Variants in NIBAN3 observed in about 807,000 individuals in gnomAD.
The protein encoded by NIBAN3 is niban apoptosis regulator 3, also known as protein Niban 3.
A neutral mutation model predicts 76.4 loss-of-function variants in NIBAN3; 66 were observed. The ratio of observed to expected loss-of-function variants is 0.86; its 90% CI spans 0.71 to 1.06. The LOEUF (loss-of-function observed/expected upper bound fraction) is 1.06. Among genes scored for constraint, NIBAN3 ranks in the 50% least tolerant of loss-of-function variants. NIBAN3 has a pLI of 0.00. For missense variants in NIBAN3, 808 were observed against 810.7 expected (o/e 1.00, Z 0.04); for synonymous variants, 360 against 355.2 (o/e 1.01, Z -0.15).
intron 5 of NIBAN3, 137 bp from the exon 6 acceptor site, chr19:17,539,013 G>C: frequency 1.5e-6 from 1 of 672,850 alleles, no homozygotes; most frequent in Non-Finnish European, 2.5e-6. Flanking sequence ...CCTGTGGAGG[G>C]CATTGCCTAT....
At chr19:17,530,281 A>T (rs2075691955) in intron 1 of NIBAN3, among the ~76,000 whole-genome samples, 1 of 152,084 alleles carries the variant, frequency 6.6e-6, no homozygotes, top group Admixed American at 6.6e-5. Flanking sequence ...TGATCGTGCC[A>T]GCGCACTCCA....
intron 14 of NIBAN3, 109 bp from the exon 15 acceptor site, chr19:17,551,677 C>T: frequency 1.7e-6 from 1 of 578,876 alleles, no homozygotes; most frequent in Middle Eastern, 2.7e-4. Flanking sequence ...AGGCATGAGC[C>T]ATTGCGCCCA....
chr19:17,523,342 T>C, upstream of NIBAN3: 1 of 1,130,008 alleles, frequency 8.8e-7, no homozygotes, highest in Non-Finnish European at 1.3e-6. Flanking sequence ...CAGAGGCGGC[T>C]GTGCAGGGTG....
At chr19:17,539,008 G>C in intron 5 of NIBAN3, 142 bp from the exon 6 acceptor site, 3 of 657,520 alleles carry the variant, frequency 4.6e-6, no homozygotes, top group South Asian at 3.8e-5. Flanking sequence ...TGTTCCCTGT[G>C]GAGGGCATTG....
rs1343297949 is a variant in NIBAN3 at position 17,530,797 on chromosome 19, G to A, written c.98G>A (p.Arg33His). ...CTGAGGAACTTCCTGCCTTGCTACC[G>A]TGGGCAGCTGGCAGCGTCTGTCCTG... The part of the protein sequence containing the change: ...TLLRNFLPCY[R>H]GQLAASVLRQ... The change falls in exon 2 of 15, where the codon CGT becomes CAT. Residue 33 changes from arginine (R) to histidine (H), a missense_variant. Arg to His is a conservative substitution (Grantham distance 29). Transcript: ENST00000599164. The A allele has an allele frequency of 1.1e-5, 17 of 1,613,190 alleles. No homozygotes were observed. The highest frequency in any genetic ancestry group is 1.7e-4 in the Middle Eastern group (1 of 6,058).
downstream of NIBAN3, chr19:17,553,669 C>T (rs1187358802): frequency 8.5e-6 from 8 of 943,762 alleles, no homozygotes; most frequent in Non-Finnish European, 1.2e-5. Flanking sequence ...TTCCTTTTAC[C>T]CCGGACGGGA....
intron 5 of NIBAN3, among the ~76,000 whole-genome samples, chr19:17,538,665 GAAAGA>G (rs2144718896): frequency 1.4e-5 from 2 of 142,696 alleles, no homozygotes; most frequent in East Asian, 4.1e-4. Flanking sequence ...GAGAACAGAA[GAAAGA>G]AAAGAAGGAA....
At position 17,542,339 on chromosome 19, in the gene NIBAN3, G is replaced by A. The variant is rs2075969847; in HGVS notation, c.1329+45G>A. 1 of 1,547,924 alleles carries A rather than the reference G, an allele frequency of 6.5e-7. No homozygotes were observed. Among genetic ancestry groups the A allele is most frequent in the African/African-American group, 1.4e-5 (1 of 73,024 alleles). The stretch of plus-strand genomic sequence containing the variant: ...GGGATGAGGCCAGGCTGTGAAGACA[G>A]CCTCCACTGACCTCCTGCTAAGTGT... On this transcript the variant is annotated intron_variant, in intron 10 of 14. Transcript: ENST00000599164. The surrounding 1 kb of genome is among the most constrained non-coding windows in gnomAD (Gnocchi z 4.8).
chr19:17,549,531 G>A lies in NIBAN3; in HGVS notation c.1750+4G>A. ...CCATGGGAACAGGAGGGAGCAGGTG[G>A]GGAACTTCACAGGCTTCTGAAACAT... is the stretch of plus-strand genomic sequence containing the variant. On this transcript the variant is annotated splice_donor_region_variant and intron_variant, in intron 14 of 14. Coordinates refer to ENST00000599164, the MANE Select transcript of NIBAN3 (RefSeq NM_001321827.2). 2 of 1,611,316 alleles carry A rather than the reference G, an allele frequency of 1.2e-6. No homozygotes were observed.
intron 14 of NIBAN3, among the ~76,000 whole-genome samples, chr19:17,550,398 G>T (rs776311544): frequency 3.9e-5 from 6 of 152,160 alleles, no homozygotes; most frequent in Non-Finnish European, 8.8e-5. Flanking sequence ...CAGGCACAGT[G>T]GCTCATGCCT....
In NIBAN3 at chr19:17,547,632, C is replaced by A. The variant is rs559885187; in HGVS notation, c.1666+835C>A. Among the ~76,000 whole-genome samples, 6 of 150,508 alleles carry A rather than the reference C, an allele frequency of 4.0e-5. No homozygotes were observed. In the East Asian group the frequency reaches 8.0e-4, roughly 20 times the overall value. On this transcript the variant is annotated intron_variant, in intron 13 of 14. Coordinates refer to ENST00000599164, the MANE Select transcript of NIBAN3 (RefSeq NM_001321827.2). ...GCTCCCAAAGTGCTGGGATTACAGGCGTGAGCCACCGCACCCGGCCAAGAC... is the reference window on the plus strand; with the variant it reads ...GCTCCCAAAGTGCTGGGATTACAGGAGTGAGCCACCGCACCCGGCCAAGAC...
intron 2 of NIBAN3, among the ~76,000 whole-genome samples, 176 bp from the exon 3 acceptor site, chr19:17,532,087 G>A (rs369971049): frequency 3.3e-5 from 5 of 152,188 alleles, no homozygotes; most frequent in South Asian, 2.1e-4. Context: ...CACCCAGGGC[G>A]GGGGGCTCCA....
In NIBAN3 at chr19:17,530,820, C is replaced by T. The variant is rs764016943; in HGVS notation, c.121C>T (p.Leu41=). Residue 41 remains leucine, a synonymous_variant, in exon 2 of 15, where the codon CTG becomes TTG. Coordinates refer to ENST00000599164, the MANE Select transcript of NIBAN3 (RefSeq NM_001321827.2). The stretch of plus-strand genomic sequence containing the variant: ...CCGTGGGCAGCTGGCAGCGTCTGTC[C>T]TGCGGCAGATCTCTCGAGAGCTGGG... ...CYRGQLAASV[L]RQISRELGPQ... 1.5e-5 allele frequency: 25 copies of T among 1,613,582 alleles called. No individual in the cohort carries two copies. Among genetic ancestry groups the T allele is most frequent in the Middle Eastern group, 1.6e-4 (1 of 6,076 alleles).
chr19:17,525,015 C>T (rs1433808541), upstream of NIBAN3, among the ~76,000 whole-genome samples: 1 of 152,148 alleles, frequency 6.6e-6, no homozygotes, highest in Admixed American at 6.6e-5. Flanking sequence ...CTACTGAGGC[C>T]AATAGGAGCA....
At chr19:17,554,578 T>C (rs955280831), downstream of NIBAN3, among the ~76,000 whole-genome samples, 2 of 151,108 alleles carry the variant, frequency 1.3e-5, no homozygotes, top group African/African-American at 2.4e-5. Flanking sequence ...GGTCAGGAGT[T>C]CGAGACCAGC....
chr19:17,524,182 C>T (rs1418984074), upstream of NIBAN3, among the ~76,000 whole-genome samples: 2 of 151,840 alleles, frequency 1.3e-5, no homozygotes, highest in African/African-American at 4.8e-5. Flanking sequence ...TGAACCACTG[C>T]GCCCAACTCC....
chr19:17,529,223 G>A (rs1047891018), intron 1 of NIBAN3, among the ~76,000 whole-genome samples: 3 of 152,078 alleles, frequency 2.0e-5, no homozygotes, highest in Non-Finnish European at 4.4e-5. Context: ...GGCATTGTAA[G>A]GATTCAAAGA....
chr19:17,548,031 G>T (rs565397141), intron 13 of NIBAN3, among the ~76,000 whole-genome samples: 1 of 152,334 alleles, frequency 6.6e-6, no homozygotes, highest in Non-Finnish European at 1.5e-5. Flanking sequence ...TTTTCTCTGG[G>T]CTGGCATTGA....
chr19:17,527,419 G>C, intron 1 of NIBAN3, 24 bp downstream of exon 1: 1 of 1,496,416 alleles, frequency 6.7e-7, no homozygotes, highest in Non-Finnish European at 8.9e-7. Flanking sequence ...GAGGGGACAG[G>C]GTGGGAGTCC....
Sources: gnomAD v4.1 joint callset for allele counts (sites outside exome capture counted in the v4.1 genomes callset) on GRCh38, gnomAD v4.1.1 for gene constraint, Gnocchi (gnomAD v3.1) non-coding constraint, MANE v1.5 for transcripts, NCBI Gene and HGNC (gene_info 2026-07-23, HGNC 2026-07-21) for gene names.